TBX20: variants seen among roughly 807,000 people sequenced by gnomAD.
TBX20 encodes T-box transcription factor TBX20.
Under a neutral mutation model 42.9 loss-of-function variants are expected in TBX20, and 8 were observed. That is an observed-to-expected ratio of 0.19 (90% CI 0.11 to 0.34). TBX20 has a LOEUF of 0.34. TBX20 is among the 10% of genes least tolerant of loss of function. The probability of loss-of-function intolerance (pLI) is 1.00; values close to 1 mark genes in which losing one functional copy is unlikely to be tolerated. For synonymous variants in TBX20, 198 were observed against 222.8 expected, an observed-to-expected ratio of 0.89 and a Z score of 0.99; for missense variants, 411 against 566.0, an observed-to-expected ratio of 0.73 and a Z score of 2.78.
chr7:35,235,942 A>G (rs1214611373), intron 5 of TBX20, among the ~76,000 whole-genome samples: 1 of 152,138 alleles, frequency 6.6e-6, no homozygotes, highest in Non-Finnish European at 1.5e-5. Context: ...GCATTTAAAA[A>G]TGAAACTTGA....
At chr7:35,244,879 G>T in intron 4 of TBX20, 70 bp downstream of exon 4, 1 of 1,101,760 alleles carries the variant, frequency 9.1e-7, no homozygotes, top group Non-Finnish European at 1.4e-6. Flanking sequence ...GGGACTCAGA[G>T]AGAGACAGTT....
rs551766568 is a variant in TBX20, at chr7:35,212,977, G to C, written c.891-8395C>G. ...ATTGTCTGTCCTATGAATTCTCACTGTTTTGGTCTCTGCAAACTCAGCTCT... is the reference window on the plus strand; with the variant it reads ...ATTGTCTGTCCTATGAATTCTCACTCTTTTGGTCTCTGCAAACTCAGCTCT... On this transcript the variant is annotated intron_variant, in intron 6 of 7. Coordinates refer to ENST00000408931, the MANE Select transcript of TBX20 (RefSeq NM_001077653.2). Among the ~76,000 whole-genome samples, 5 of 152,220 alleles carry C rather than the reference G, an allele frequency of 3.3e-5. No homozygotes were observed. The South Asian group carries it at 1.0e-3, about 32-fold the overall frequency.
chr7:35,242,598 G>T (rs1790104576), intron 4 of TBX20, among the ~76,000 whole-genome samples: 1 of 152,000 alleles, frequency 6.6e-6, no homozygotes, highest in Admixed American at 6.6e-5. Flanking sequence ...ATACCAAAAT[G>T]GAACAAGCCC....
chr7:35,228,687 C>T (rs1426274634), intron 6 of TBX20, among the ~76,000 whole-genome samples: 1 of 152,058 alleles, frequency 6.6e-6, no homozygotes, highest in Non-Finnish European at 1.5e-5. Context: ...ACATAAAATG[C>T]CAACTGAATG....
intron 6 of TBX20, among the ~76,000 whole-genome samples, chr7:35,210,736 TAAC>T (rs1273353119): frequency 6.6e-6 from 1 of 152,200 alleles, no homozygotes; most frequent in Non-Finnish European, 1.5e-5. Context: ...AAATTATTGT[TAAC>T]ATGCTACTTT....
intron 6 of TBX20, among the ~76,000 whole-genome samples, chr7:35,229,003 A>T (rs1355010941): frequency 2.6e-5 from 4 of 152,200 alleles, no homozygotes; most frequent in Non-Finnish European, 5.9e-5. Flanking sequence ...CTTTAAGAGT[A>T]TCTCAAAAGC....
At chr7:35,206,215 G>A (rs894385526) in intron 6 of TBX20, among the ~76,000 whole-genome samples, 2 of 152,194 alleles carry the variant, frequency 1.3e-5, no homozygotes, top group African/African-American at 4.8e-5. Flanking sequence ...ACTATATTGA[G>A]ATATGATTAA....
At chr7:35,236,082 C>T (rs1789959233) in intron 5 of TBX20, among the ~76,000 whole-genome samples, 1 of 152,078 alleles carries the variant, frequency 6.6e-6, no homozygotes, top group Non-Finnish European at 1.5e-5. Flanking sequence ...TAAAGAAATG[C>T]AATCATTCCC....
intron 6 of TBX20, among the ~76,000 whole-genome samples, chr7:35,219,270 A>AT (rs1351790325): frequency 2.6e-5 from 4 of 152,182 alleles, no homozygotes; most frequent in African/African-American, 9.7e-5. Flanking sequence ...TATAGTAAAT[A>AT]TCTTAAGTTT....
rs568662162 is a variant in TBX20 at position 35,249,603 on chromosome 7, C to G, written c.380+348G>C. ...AGCACCCAGCAGCTCACCAGGCACC[C>G]AGGCACAAATTCCTCCTCCTTCCAG... On this transcript the variant is annotated intron_variant, in intron 2 of 7. Transcript: ENST00000408931. This position sits in a 1 kb window ranked among gnomAD's most constrained non-coding sequence, Gnocchi z 4.3. 1.3e-5 allele frequency among the ~76,000 whole-genome samples: 2 copies of G among 152,326 alleles called. No individual in the cohort carries two copies. The highest frequency in any genetic ancestry group is 4.1e-4 in the South Asian group (2 of 4,830).
At chr7:35,244,089 CAATT>C (rs1461499530) in intron 4 of TBX20, among the ~76,000 whole-genome samples, 2 of 152,142 alleles carry the variant, frequency 1.3e-5, no homozygotes, top group East Asian at 1.9e-4. Context: ...TAAATATGTA[CAATT>C]ATTATGTATC....
chr7:35,228,788 T>C (rs903102455), intron 6 of TBX20, among the ~76,000 whole-genome samples: 3 of 152,100 alleles, frequency 2.0e-5, no homozygotes, highest in East Asian at 1.9e-4. Flanking sequence ...AGATATCCCT[T>C]TGGGCTTTTG....
chr7:35,221,651 G>T (rs1192947908), intron 6 of TBX20, among the ~76,000 whole-genome samples: 1 of 152,090 alleles, frequency 6.6e-6, no homozygotes, highest in Non-Finnish European at 1.5e-5. Context: ...AACGGCAATG[G>T]AGCCTCTCAG....
chr7:35,246,245 G>A (rs10263165), intron 3 of TBX20, among the ~76,000 whole-genome samples: 55,428 of 151,956 alleles, frequency 0.36, 10,456 homozygotes, highest in Admixed American at 0.46. Flanking sequence ...ACCTACAGAG[G>A]AACTGTAAAG....
At chr7:35,210,281 A>G (rs1319598031) in intron 6 of TBX20, among the ~76,000 whole-genome samples, 1 of 151,410 alleles carries the variant, frequency 6.6e-6, no homozygotes, top group Non-Finnish European at 1.5e-5. Context: ...CGCCTGGCTA[A>G]TTTTTTTGTA....
chr7:35,229,641 G>C (rs1443045917), intron 6 of TBX20, among the ~76,000 whole-genome samples: 1 of 152,162 alleles, frequency 6.6e-6, no homozygotes, highest in African/African-American at 2.4e-5. Context: ...CCGTTGTAAA[G>C]AGCAGTCAGA....
intron 1 of TBX20, among the ~76,000 whole-genome samples, chr7:35,252,468 C>T (rs1265045309): frequency 6.6e-6 from 1 of 151,212 alleles, no homozygotes; most frequent in East Asian, 1.9e-4. Flanking sequence ...TTTTACTTCT[C>T]TCATCTTTAA....
chr7:35,220,957 AT>A (rs1789673080), intron 6 of TBX20, among the ~76,000 whole-genome samples: 2 of 152,224 alleles, frequency 1.3e-5, no homozygotes, highest in African/African-American at 4.8e-5. Context: ...CACAACAGAA[AT>A]TCTCACATTT....
At chr7:35,216,835 T>G (rs1789599354) in intron 6 of TBX20, among the ~76,000 whole-genome samples, 1 of 152,150 alleles carries the variant, frequency 6.6e-6, no homozygotes, top group African/African-American at 2.4e-5. Flanking sequence ...CAAATATAAT[T>G]TATAAAAAAC....
Sources: allele counts gnomAD v4.1 joint callset (sites outside exome capture counted in the v4.1 genomes callset), GRCh38; gene constraint gnomAD v4.1.1; non-coding constraint Gnocchi (gnomAD v3.1); transcripts MANE v1.5; gene names NCBI Gene and HGNC (gene_info 2026-07-23, HGNC 2026-07-21).